The following THEMIS variants were observed in gnomAD, a reference collection of about 807,000 sequenced individuals.
THEMIS encodes protein THEMIS.
THEMIS carries 37 observed loss-of-function variants against 52.6 expected under a neutral mutation model. That is an observed-to-expected ratio of 0.70 (90% CI 0.54 to 0.93). The LOEUF is 0.93. Ranked by LOEUF, THEMIS falls within the 40% of genes least tolerant of loss-of-function variation. THEMIS has a pLI of 0.00. For synonymous variants in THEMIS, 292 were observed against 272.7 expected (o/e 1.07, Z -0.70); for missense variants, 808 against 763.1 (o/e 1.06, Z -0.69).
At chr6:127,753,161 C>G (rs534432824) in intron 4 of THEMIS, among the ~76,000 whole-genome samples, 1 of 151,874 alleles carries the variant, frequency 6.6e-6, no homozygotes, top group Non-Finnish European at 1.5e-5. Flanking sequence ...AAGGAACATA[C>G]CTCAATATAA....
chr6:127,726,287 C>T (rs764453308), intron 4 of THEMIS, among the ~76,000 whole-genome samples: 3 of 152,040 alleles, frequency 2.0e-5, no homozygotes, highest in African/African-American at 4.8e-5. Context: ...AAGAAAGATG[C>T]CTGAATCTAT....
chr6:127,857,946 C>T (rs1057430517), intron 1 of THEMIS, among the ~76,000 whole-genome samples: 2 of 151,954 alleles, frequency 1.3e-5, no homozygotes, highest in Non-Finnish European at 2.9e-5. Context: ...AGTAAAGAAG[C>T]AAATAGTAAA....
chr6:127,839,699 T>G (rs1309708622), intron 2 of THEMIS, among the ~76,000 whole-genome samples: 1 of 152,046 alleles, frequency 6.6e-6, no homozygotes, highest in Non-Finnish European at 1.5e-5. Flanking sequence ...AGTCTTTTAA[T>G]TCATTAATTT....
At chr6:127,882,565 T>C (rs1780518032) in intron 1 of THEMIS, among the ~76,000 whole-genome samples, 1 of 151,920 alleles carries the variant, frequency 6.6e-6, no homozygotes, top group African/African-American at 2.4e-5. Flanking sequence ...ATGTTTGTCT[T>C]CAATGAATCT....
At chr6:127,829,423 C>A in intron 3 of THEMIS, 53 bp downstream of exon 3, 1 of 1,450,984 alleles carries the variant, frequency 6.9e-7, no homozygotes, top group Non-Finnish European at 9.3e-7. Context: ...TCTTTCTTTC[C>A]CAAACCCCAT....
At chr6:127,788,426 A>G (rs1777050012) in intron 4 of THEMIS, among the ~76,000 whole-genome samples, 2 of 152,334 alleles carry the variant, frequency 1.3e-5, no homozygotes, top group Non-Finnish European at 2.9e-5. Flanking sequence ...AATACAAAGG[A>G]AGCTTCTTAT....
chr6:127,807,284 C>T (rs544118773), intron 4 of THEMIS: 14 of 221,634 alleles, frequency 6.3e-5, no homozygotes, highest in Admixed American at 4.8e-4. Flanking sequence ...TGCTTGAACC[C>T]GGGAGGCAGA....
intron 5 of THEMIS, among the ~76,000 whole-genome samples, chr6:127,714,196 T>C (rs1000423737): frequency 4.0e-5 from 6 of 151,860 alleles, no homozygotes; most frequent in Non-Finnish European, 7.4e-5. Flanking sequence ...CTGAGATACA[T>C]TGAAACACAT....
intron 4 of THEMIS, among the ~76,000 whole-genome samples, chr6:127,759,741 GTTGT>G (rs1775952024): frequency 6.6e-6 from 1 of 151,870 alleles, no homozygotes; most frequent in South Asian, 2.1e-4. Context: ...TTTTTCGTAT[GTTGT>G]TTATTTTCCT....
intron 4 of THEMIS, among the ~76,000 whole-genome samples, chr6:127,730,047 A>G (rs1397726471): frequency 6.6e-6 from 1 of 152,120 alleles, no homozygotes; most frequent in Non-Finnish European, 1.5e-5. Flanking sequence ...AGGCAGGAGA[A>G]TCACTTCAGG....
intron 1 of THEMIS, among the ~76,000 whole-genome samples, chr6:127,859,545 G>A (rs1779727998): frequency 6.6e-6 from 1 of 151,998 alleles, no homozygotes; most frequent in Non-Finnish European, 1.5e-5. Context: ...TTGTGTCATT[G>A]TAAAATGACA....
chr6:127,787,880 T>TAGATAGATAGATAGATAGATATAGATAG (rs200767496), intron 4 of THEMIS, among the ~76,000 whole-genome samples: 68 of 119,998 alleles, frequency 5.7e-4, no homozygotes, highest in South Asian at 8.3e-4. Flanking sequence ...GATAGATAGA[T>TAGATAGATAGATAGATAGATATAGATAG]ATAGATAGAT....
chr6:127,792,248 G>A (rs972939988), intron 4 of THEMIS, among the ~76,000 whole-genome samples: 1 of 152,224 alleles, frequency 6.6e-6, no homozygotes, highest in Non-Finnish European at 1.5e-5. Flanking sequence ...AGGAAATAAA[G>A]CACAGTGAAG....
intron 1 of THEMIS, among the ~76,000 whole-genome samples, chr6:127,885,241 AC>A (rs1266495235): frequency 1.3e-5 from 2 of 151,968 alleles, no homozygotes; most frequent in Non-Finnish European, 2.9e-5. Context: ...AAGTTTCTGA[AC>A]CCCCTTTTGA....
intron 1 of THEMIS, among the ~76,000 whole-genome samples, chr6:127,890,915 T>C (rs1415411385): frequency 6.6e-6 from 1 of 152,114 alleles, no homozygotes; most frequent in Non-Finnish European, 1.5e-5. Context: ...GCATCCTCTT[T>C]TTTTAAATTG....
intron 2 of THEMIS, among the ~76,000 whole-genome samples, chr6:127,852,053 G>A (rs140963760): frequency 0.014 from 2,097 of 151,662 alleles, 26 homozygotes; most frequent in Non-Finnish European, 0.021. Flanking sequence ...TAAAAGATGA[G>A]AGACCTTGCA....
At chr6:127,696,950 A>G in the THEMIS span, among the ~76,000 whole-genome samples, 1 of 152,104 alleles carries the variant, frequency 6.6e-6, no homozygotes, top group East Asian at 1.9e-4. Flanking sequence ...GAAGGCTTCA[A>G]TATATGATTT....
chr6:127,856,155 C>G (rs1279237612), intron 1 of THEMIS, among the ~76,000 whole-genome samples: 2 of 151,928 alleles, frequency 1.3e-5, no homozygotes, highest in Non-Finnish European at 2.9e-5. Flanking sequence ...ATGAGCACAG[C>G]GTTTTAGGTT....
intron 3 of THEMIS, among the ~76,000 whole-genome samples, chr6:127,825,681 T>C (rs538172673): frequency 1.3e-5 from 2 of 152,254 alleles, no homozygotes; most frequent in Admixed American, 6.5e-5. Context: ...ACCTATGCAG[T>C]TGGTCTCAAA....
Sources: allele counts gnomAD v4.1 joint callset (sites outside exome capture counted in the v4.1 genomes callset), GRCh38; gene constraint gnomAD v4.1.1; transcripts MANE v1.5; gene names NCBI Gene and HGNC (gene_info 2026-07-23, HGNC 2026-07-21).